CPEB4: variants seen among roughly 807,000 people sequenced by gnomAD.
The protein encoded by CPEB4 is cytoplasmic polyadenylation element-binding protein 4.
CPEB4 carries 12 observed loss-of-function variants against 72.5 expected under a neutral mutation model. The observed-to-expected ratio is 0.17, with a 90% CI of 0.11 to 0.27. CPEB4 has a LOEUF of 0.27. Among genes scored for constraint, CPEB4 ranks in the 10% least tolerant of loss-of-function variants. The probability of loss-of-function intolerance (pLI) is 1.00; values close to 1 mark genes in which losing one functional copy is unlikely to be tolerated. For synonymous variants in CPEB4, 302 were observed against 326.3 expected (o/e 0.93, Z 0.80); for missense variants, 614 against 908.5 (o/e 0.68, Z 4.17).
intron 2 of CPEB4, among the ~76,000 whole-genome samples, chr5:173,917,003 C>T (rs1276887695): frequency 6.6e-6 from 1 of 152,230 alleles, no homozygotes; most frequent in East Asian, 1.9e-4. Flanking sequence ...ATTGCAGTCA[C>T]TTAGTTGACT....
chr5:173,891,616 A>G (rs956067800), intron 1 of CPEB4: 1 of 152,192 alleles, frequency 6.6e-6, no homozygotes, highest in Non-Finnish European at 1.5e-5. Context: ...CTAAAAATAG[A>G]TCCAGGCAAA....
intron 2 of CPEB4, among the ~76,000 whole-genome samples, chr5:173,931,180 C>A (rs1757434727): frequency 6.6e-6 from 1 of 152,064 alleles, no homozygotes; most frequent in Non-Finnish European, 1.5e-5. Flanking sequence ...ACCTTAAGTT[C>A]CTTTCTAAAG....
chr5:173,926,663 C>A (rs1279576530), intron 2 of CPEB4, among the ~76,000 whole-genome samples: 2 of 152,196 alleles, frequency 1.3e-5, no homozygotes, highest in African/African-American at 4.8e-5. Context: ...CTTTTCCTGT[C>A]ATAATGTTCC....
chr5:173,893,465 T>A (rs895033365), intron 1 of CPEB4, among the ~76,000 whole-genome samples: 2 of 152,060 alleles, frequency 1.3e-5, no homozygotes, highest in African/African-American at 4.8e-5. Context: ...AAAAAATAAT[T>A]TATAACTTAA....
Position 173,888,853 on chromosome 5 carries a change from C to G in CPEB4, c.-881C>G, listed in dbSNP as rs1455152032. ...TCGGTCCCCGCACCCCCAGGCCGCC[C>G]GCTCACCCTCGTCGAGTCTCGCTAA... On this transcript the variant is annotated 5_prime_UTR_variant, in exon 1 of 10. Coordinates refer to ENST00000265085, the MANE Select transcript of CPEB4 (RefSeq NM_030627.4). The surrounding 1 kb of genome is among the most constrained non-coding windows in gnomAD (Gnocchi z 4.3). 1.1e-5 allele frequency: 3 copies of G among 277,544 alleles called. No individual in the cohort carries two copies. The South Asian group carries it at 5.0e-4, about 46-fold the overall frequency. The allele number at this position is 277,544 out of a possible 1,614,324, so 17.2% of individuals were successfully genotyped here. A position where few individuals can be genotyped will look rare whatever the true frequency, so the allele number is the denominator to read the frequency against.
intron 2 of CPEB4, among the ~76,000 whole-genome samples, chr5:173,912,042 T>G (rs17839791): frequency 8.3e-6 from 1 of 121,064 alleles, no homozygotes; most frequent in Admixed American, 1.3e-4. Context: ...GTGTAAAAAA[T>G]AGGCATCCAT....
intron 2 of CPEB4, among the ~76,000 whole-genome samples, chr5:173,916,076 C>G (rs908074481): frequency 6.6e-6 from 1 of 152,116 alleles, no homozygotes; most frequent in East Asian, 1.9e-4. Flanking sequence ...ATATAATATT[C>G]AATTTGCTTC....
In CPEB4 at chr5:173,944,958, C is replaced by T. The variant is rs1225717577; in HGVS notation, c.1283-9C>T. 4.4e-6 allele frequency: 7 copies of T among 1,591,986 alleles called. No homozygotes were observed. The highest frequency in any genetic ancestry group is 3.4e-5 in the South Asian group (3 of 88,640). ...TCTGTTACCGTTTTTTCCCTGCTTT[C>T]TATTCCAGGTCAGTCTTCACTGTTT... is the stretch of plus-strand genomic sequence containing the variant. On this transcript the variant is annotated splice_polypyrimidine_tract_variant and intron_variant, in intron 4 of 9. Transcript: ENST00000265085.
Position 173,957,624 on chromosome 5 carries a change from A to G in CPEB4, c.*1487A>G, listed in dbSNP as rs1758420529. On this transcript the variant is annotated 3_prime_UTR_variant, in exon 10 of 10. Coordinates refer to ENST00000265085, the MANE Select transcript of CPEB4 (RefSeq NM_030627.4). ...GGAAGTAACTTTTATTTTAATTGAC[A>G]TTCTCTTATTAAATGCCCTATCCAT... 1 of 152,814 alleles carries G rather than the reference A, an allele frequency of 6.5e-6. No homozygotes were observed. The highest frequency in any genetic ancestry group is 2.4e-5 in the African/African-American group (1 of 41,464). The allele number at this position is 152,814 out of a possible 1,614,324, so 9.5% of individuals were successfully genotyped here. A position where few individuals can be genotyped will look rare whatever the true frequency, so the allele number is the denominator to read the frequency against.
chr5:173,948,799 C>T (rs1459925003), intron 5 of CPEB4, among the ~76,000 whole-genome samples: 2 of 152,078 alleles, frequency 1.3e-5, no homozygotes, highest in African/African-American at 4.8e-5. Flanking sequence ...TCTTATTGTA[C>T]ACTCACATGG....
chr5:173,922,066 A>G (rs1757092550), intron 2 of CPEB4, among the ~76,000 whole-genome samples: 1 of 152,226 alleles, frequency 6.6e-6, no homozygotes, highest in African/African-American at 2.4e-5. Context: ...CCTGGTACCT[A>G]CAAGGGTCAA....
chr5:173,897,662 A>C (rs1409557678), intron 1 of CPEB4, among the ~76,000 whole-genome samples: 1 of 152,242 alleles, frequency 6.6e-6, no homozygotes, highest in Non-Finnish European at 1.5e-5. Context: ...CATTAAGGCA[A>C]ACTAACATTC....
In CPEB4 at chr5:173,951,893, C is replaced by A. The variant is rs142267358; in HGVS notation, c.1735C>A (p.Arg579=). The change falls in exon 8 of 10, where the codon CGA becomes AGA. Residue 579 remains arginine, a synonymous_variant. Coordinates refer to ENST00000265085, the MANE Select transcript of CPEB4 (RefSeq NM_030627.4). ...VMDGSQPLDP[R]KTIFVGGVPR... is the part of the protein sequence containing the mutation. ...GGATGGTTCACAGCCACTTGACCCA[C>A]GAAAAACTATATTTGTTGGTGGTGT... 4 of 1,613,682 alleles carry A rather than the reference C, an allele frequency of 2.5e-6. No individual in the cohort carries two copies. The African/African-American group carries it at 5.3e-5, about 22-fold the overall frequency.
Position 173,956,407 on chromosome 5 carries a change from C to G in CPEB4, c.*270C>G. On this transcript the variant is annotated 3_prime_UTR_variant, in exon 10 of 10. Transcript: ENST00000265085. ...CTGGAAACCAAGAGGATCCAAACTT[C>G]CTGCAACATTTTCTTAGAGGAGAGA... 1 of 351,574 alleles carries G rather than the reference C, an allele frequency of 2.8e-6. No individual in the cohort carries two copies. Among genetic ancestry groups the G allele is most frequent in the Non-Finnish European group, 5.1e-6 (1 of 195,004 alleles). The allele number at this position is 351,574 out of a possible 1,614,324, so 21.8% of individuals were successfully genotyped here. A position where few individuals can be genotyped will look rare whatever the true frequency, so the allele number is the denominator to read the frequency against.
chr5:173,890,182 G>A lies in CPEB4; in HGVS notation c.449G>A (p.Gly150Glu). ...LTGFDYQEAT[G>E]LGTSTQPLTS... The stretch of plus-strand genomic sequence containing the variant: ...GGGTTTGATTATCAAGAAGCCACTG[G>A]GCTAGGTACTTCAACCCAACCCTTG... The change falls in exon 1 of 10, where the codon GGG becomes GAG. Residue 150 changes from glycine to glutamate, a missense_variant. This residue lies in a region of CPEB4 where 458 missense variants were observed against 548.6 expected (regional missense o/e 0.83). Coordinates refer to ENST00000265085, the MANE Select transcript of CPEB4 (RefSeq NM_030627.4). 2.5e-6 allele frequency: 4 copies of A among 1,614,146 alleles called. No homozygotes were observed. Among genetic ancestry groups the A allele is most frequent in the Non-Finnish European group, 3.4e-6 (4 of 1,180,036 alleles).
chr5:173,949,894 C>T (rs1347114838), intron 6 of CPEB4, 66 bp from the exon 7 acceptor site: 1 of 1,064,802 alleles, frequency 9.4e-7, no homozygotes, highest in South Asian at 1.4e-5. Flanking sequence ...GTGCATGATT[C>T]CTTTCCCCTG....
chr5:173,919,737 A>G (rs1757007987), intron 2 of CPEB4, among the ~76,000 whole-genome samples: 1 of 152,216 alleles, frequency 6.6e-6, no homozygotes, highest in South Asian at 2.1e-4. Context: ...AAAATATCCA[A>G]GATTCTCTGC....
Position 173,889,914 on chromosome 5 carries a change from C to T in CPEB4, c.181C>T (p.Leu61Phe). Residue 61 changes from leucine (L) to phenylalanine (F), a missense_variant, in exon 1 of 10, where the codon CTT becomes TTT. Coordinates refer to ENST00000265085, the MANE Select transcript of CPEB4 (RefSeq NM_030627.4). ...TGGCAGCAGTGCTGGGTCAGCTTGG[C>T]TTTTTCCTGCTCCAGCTACCCATAA... ...ANGSSAGSAWLFPAPATHNIQ... is the reference protein window; with the variant it reads ...ANGSSAGSAWFFPAPATHNIQ... The T allele has an allele frequency of 6.2e-7, 1 of 1,614,134 alleles. No individual in the cohort carries two copies. The highest frequency in any genetic ancestry group is 8.5e-7 in the Non-Finnish European group (1 of 1,180,006).
At chr5:173,952,717 T>A (rs1256857174) in intron 8 of CPEB4, among the ~76,000 whole-genome samples, 1 of 152,162 alleles carries the variant, frequency 6.6e-6, no homozygotes, top group Non-Finnish European at 1.5e-5. Flanking sequence ...CAATACATTA[T>A]TAACTGGTAA....
Sources: allele counts gnomAD v4.1 joint callset (sites outside exome capture counted in the v4.1 genomes callset), GRCh38; gene constraint gnomAD v4.1.1; regional missense constraint gnomAD v4.1.1; non-coding constraint Gnocchi (gnomAD v3.1); transcripts MANE v1.5; gene names NCBI Gene and HGNC (gene_info 2026-07-23, HGNC 2026-07-21).